SLC7A10: variants seen among roughly 807,000 people sequenced by gnomAD.
SLC7A10 encodes solute carrier family 7 member 10, also known as asc-type amino acid transporter 1.
Under a neutral mutation model 52.7 loss-of-function variants are expected in SLC7A10, and 30 were observed. That is an observed-to-expected ratio of 0.57 (90% CI 0.43 to 0.77). SLC7A10 has a LOEUF of 0.77. Among genes scored for constraint, SLC7A10 ranks in the 30% least tolerant of loss-of-function variants. The pLI, the probability that SLC7A10 is intolerant of heterozygous loss-of-function variation, is 0.00. For synonymous variants in SLC7A10, 318 were observed against 314.9 expected (o/e 1.01, Z -0.10); for missense variants, 581 against 698.5 (o/e 0.83, Z 1.90).
intron 1 of SLC7A10, among the ~76,000 whole-genome samples, chr19:33,218,765 A>C (rs1481284713): frequency 6.9e-6 from 1 of 145,066 alleles, no homozygotes; most frequent in Non-Finnish European, 1.5e-5. Context: ...TGATCCACCC[A>C]CCTCAGCCTC....
intron 9 of SLC7A10, among the ~76,000 whole-genome samples, 166 bp from the exon 10 acceptor site, chr19:33,209,651 C>A (rs550274610): frequency 1.3e-3 from 200 of 152,268 alleles, no homozygotes; most frequent in Admixed American, 2.6e-3. Context: ...GTGTTGGAGG[C>A]CAATTCATGG....
At chr19:33,215,055 C>G (rs1392313099) in intron 2 of SLC7A10, among the ~76,000 whole-genome samples, 1 of 152,088 alleles carries the variant, frequency 6.6e-6, no homozygotes, top group African/African-American at 2.4e-5. Context: ...CACCTGAGGT[C>G]AGGAGTTCAA....
Position 33,215,900 on chromosome 19 carries a change from G to T in SLC7A10, c.225C>A (p.Ala75=). The T allele has an allele frequency of 6.2e-7, 1 of 1,611,252 alleles. No individual in the cohort carries two copies. Residue 75 remains alanine, a synonymous_variant, in exon 2 of 11, where the codon GCC becomes GCA. Transcript: ENST00000253188. ...VLEHSGSVGL[A]LFVWVLGGGV... The stretch of plus-strand genomic sequence containing the variant: ...CCCCACCCAGGACCCAGACGAACAG[G>T]GCCAGACCCACGGAGCCTGAGTGCT...
Position 33,212,313 on chromosome 19 carries a change from T to C in SLC7A10, c.767A>G (p.Glu256Gly). The change falls in exon 5 of 11, where the codon GAG (glutamate) becomes GGG (glycine). Residue 256 changes from glutamate (E) to glycine (G), a missense_variant. Physicochemically the swap from Glu to Gly is moderately conservative, Grantham distance 98. Transcript: ENST00000253188. ...TCACTTTCGGGCGTCAACCATCTCC[T>C]CGGTGACATAGTTGAGGAAGTTCCA... Reference protein sequence around the residue: ...SGWNFLNYVTEEMVDARKNLP... With the variant: ...SGWNFLNYVTGEMVDARKNLP... 6.2e-7 allele frequency: 1 copy of C among 1,611,182 alleles called. No individual in the cohort carries two copies. Among genetic ancestry groups the C allele is most frequent in the Non-Finnish European group, 8.5e-7 (1 of 1,179,106 alleles).
At chr19:33,211,582 G>C in intron 5 of SLC7A10, 45 bp from the exon 6 acceptor site, 1 of 1,612,748 alleles carries the variant, frequency 6.2e-7, no homozygotes. Context: ...TCCTGAGGGT[G>C]CAGGACCCCC....
rs114383253 is a variant in SLC7A10, at chr19:33,210,010, C to G, written c.1263+457G>C. On this transcript the variant is annotated intron_variant, in intron 9 of 10. Transcript: ENST00000253188. This position sits in a 1 kb window ranked among gnomAD's most constrained non-coding sequence, Gnocchi z 5.6. ...GGTTGGAGTACGGTGGCCCTAGCAC[C>G]GCTCACTGCAGCCTCAACCTCCCGG... Among the ~76,000 whole-genome samples the G allele has an allele frequency of 6.6e-6, 1 of 151,630 alleles. No homozygotes were observed. The highest frequency in any genetic ancestry group is 6.6e-5 in the Admixed American group (1 of 15,216).
intron 2 of SLC7A10, among the ~76,000 whole-genome samples, chr19:33,214,233 C>T (rs988880263): frequency 1.3e-5 from 2 of 152,152 alleles, no homozygotes; most frequent in African/African-American, 2.4e-5. Context: ...CCCACAGCAG[C>T]GTGCAAGCCC....
chr19:33,215,656 CCCCACGACCT>C, intron 2 of SLC7A10, 103 bp downstream of exon 2: 1 of 1,162,840 alleles, frequency 8.6e-7, no homozygotes, highest in South Asian at 1.5e-5. Context: ...CTCCATCCAC[CCCCACGACCT>C]CCCTAGGAAG....
intron 1 of SLC7A10, 87 bp downstream of exon 1, chr19:33,225,466 G>C: frequency 6.6e-7 from 1 of 1,506,882 alleles, no homozygotes; most frequent in South Asian, 1.2e-5. Context: ...CCGTCCGAGC[G>C]CCCGGAGAGG....
chr19:33,212,044 G>A (rs750384250), intron 5 of SLC7A10: 4 of 597,838 alleles, frequency 6.7e-6, no homozygotes, highest in South Asian at 2.0e-5. Flanking sequence ...ATTTACAGCA[G>A]GATGATGATA....
At position 33,212,894 on chromosome 19, in the gene SLC7A10, G is replaced by C; in HGVS notation, c.465C>G (p.Ile155Met). ...GCACCCGGGAGGCTGTGGTGGGGGG[G>C]ATGCAGTTGGGGAACACGGGCTGCA... ...YVLQPVFPNC[I>M]PPTTASRVLS... Residue 155 changes from isoleucine to methionine, a missense_variant, in exon 3 of 11, where the codon ATC (isoleucine) becomes ATG (methionine). Coordinates refer to ENST00000253188, the MANE Select transcript of SLC7A10 (RefSeq NM_019849.3). 6.2e-7 allele frequency: 1 copy of C among 1,614,206 alleles called. No individual in the cohort carries two copies. Among genetic ancestry groups the C allele is most frequent in the Non-Finnish European group, 8.5e-7 (1 of 1,180,016 alleles).
intron 1 of SLC7A10, chr19:33,221,094 C>T (rs1286195803): frequency 6.6e-6 from 1 of 150,840 alleles, no homozygotes; most frequent in Non-Finnish European, 1.5e-5. Context: ...TCCCTCTGCT[C>T]AAAGCCCAGG....
chr19:33,223,943 TCAC>T (rs80120440), intron 1 of SLC7A10, among the ~76,000 whole-genome samples: 1,856 of 147,160 alleles, frequency 0.013, 37 homozygotes, highest in African/African-American at 0.035. Flanking sequence ...ACCTCTACCA[TCAC>T]CACCACCACC....
At chr19:33,215,242 TGG>T (rs1974643819) in intron 2 of SLC7A10, among the ~76,000 whole-genome samples, 1 of 136,334 alleles carries the variant, frequency 7.3e-6, no homozygotes, top group African/African-American at 2.9e-5. Flanking sequence ...CACTCCAGCC[TGG>T]GCAACAGAGC....
At chr19:33,222,267 C>T (rs942259266) in intron 1 of SLC7A10, among the ~76,000 whole-genome samples, 2 of 151,862 alleles carry the variant, frequency 1.3e-5, no homozygotes, top group East Asian at 1.9e-4. Flanking sequence ...GGTGTGGTGG[C>T]GGGCACCTGT....
intron 5 of SLC7A10, 139 bp from the exon 6 acceptor site, chr19:33,211,676 T>G: frequency 1.4e-5 from 20 of 1,477,222 alleles, no homozygotes; most frequent in East Asian, 2.5e-5. Context: ...GCAGCATTGC[T>G]GCCCGAGACA....
rs778512144 is a variant in SLC7A10 at position 33,215,894 on chromosome 19, G to A, written c.231C>T (p.Phe77=). 10 of 1,610,982 alleles carry A rather than the reference G, an allele frequency of 6.2e-6. No individual in the cohort carries two copies. The East Asian group carries it at 1.1e-4, about 18-fold the overall frequency. ...TCACGCCCCCACCCAGGACCCAGAC[G>A]AACAGGGCCAGACCCACGGAGCCTG... ...EHSGSVGLAL[F]VWVLGGGVTA... Residue 77 remains phenylalanine (F), a synonymous_variant, in exon 2 of 11, where the codon TTC becomes TTT. Coordinates refer to ENST00000253188, the MANE Select transcript of SLC7A10 (RefSeq NM_019849.3).
Position 33,215,943 on chromosome 19 carries a change from G to T in SLC7A10, c.182C>A (p.Ser61Ter). 1 of 1,592,412 alleles carries T rather than the reference G, an allele frequency of 6.3e-7. No homozygotes were observed. Among genetic ancestry groups the T allele is most frequent in the Non-Finnish European group, 8.6e-7 (1 of 1,164,456 alleles). The change falls in exon 2 of 11, where the codon TCG becomes TAG. Residue 61 changes from serine (S) to a stop codon, truncating the protein, a stop_gained. Coordinates refer to ENST00000253188, the MANE Select transcript of SLC7A10 (RefSeq NM_019849.3). LOFTEE classifies it high-confidence loss of function. ...GNIIGSGIFI[S>*]PKGVLEHSGS... ...TGAGTGCTCCAGGACCCCCTTGGGCGAGATGAAGATGCCCGAGCCGATGAT... is the reference window on the plus strand; with the variant it reads ...TGAGTGCTCCAGGACCCCCTTGGGCTAGATGAAGATGCCCGAGCCGATGAT...
At chr19:33,211,204 A>G in intron 7 of SLC7A10, 21 bp downstream of exon 7, 2 of 1,609,706 alleles carry the variant, frequency 1.2e-6, no homozygotes, top group Non-Finnish European at 1.7e-6. Context: ...CCCCATGCCC[A>G]CGTCTCCCCA....
Sources: allele counts gnomAD v4.1 joint callset (sites outside exome capture counted in the v4.1 genomes callset), GRCh38; gene constraint gnomAD v4.1.1; non-coding constraint Gnocchi (gnomAD v3.1); transcripts MANE v1.5; gene names NCBI Gene and HGNC (gene_info 2026-07-23, HGNC 2026-07-21).